The following ADNP variants were observed in gnomAD, a reference collection of about 807,000 sequenced individuals.
ADNP encodes the protein activity dependent neuroprotector homeobox, also known as activity-dependent neuroprotector homeobox protein.
In ADNP, 4 loss-of-function variants were observed where a neutral mutation model predicts 84.9. That is an observed-to-expected ratio of 0.05 (90% confidence interval 0.02 to 0.11). ADNP has a LOEUF of 0.11. Among genes scored for constraint, ADNP ranks in the 10% least tolerant of loss-of-function variants. ADNP has a pLI of 1.00. For missense variants in ADNP, 1,132 were observed against 1,326.0 expected, an observed-to-expected ratio of 0.85 and a Z score of 2.27; for synonymous variants, 554 against 468.1, an observed-to-expected ratio of 1.18 and a Z score of -2.37.
intron 2 of ADNP, among the ~76,000 whole-genome samples, chr20:50,908,199 A>T (rs567511965): frequency 6.7e-6 from 1 of 149,974 alleles, no homozygotes; most frequent in Non-Finnish European, 1.5e-5. Context: ...AGATAAAACA[A>T]GCACACAATT....
chr20:50,926,656 C>T (rs1030912141), intron 2 of ADNP, among the ~76,000 whole-genome samples: 2 of 152,118 alleles, frequency 1.3e-5, no homozygotes, highest in Non-Finnish European at 2.9e-5. Context: ...ACAATCATTT[C>T]CAGCTCTAGA....
Position 50,889,544 on chromosome 20 carries a change from T to C in ADNP, c.*1861A>G, listed in dbSNP as rs1391975220. On this transcript the variant is annotated 3_prime_UTR_variant, in exon 6 of 6. Coordinates refer to ENST00000621696, the MANE Select transcript of ADNP (RefSeq NM_001282531.3). ...TACTGTTGTTGAGAAGCTTACATTT[T>C]AGGGAGAGGCTGGTCAAATCTCTAC... 1 of 233,226 alleles carries C rather than the reference T, an allele frequency of 4.3e-6. No individual in the cohort carries two copies. The highest frequency in any genetic ancestry group is 2.2e-5 in the African/African-American group (1 of 44,732). 14.4% of individuals were successfully genotyped at this position (233,226 alleles called of 1,614,324 possible). A position where few individuals can be genotyped will look rare whatever the true frequency, so the allele number is the denominator to read the frequency against.
chr20:50,900,845 T>C (rs1981903206), intron 5 of ADNP, among the ~76,000 whole-genome samples: 1 of 152,224 alleles, frequency 6.6e-6, no homozygotes, highest in African/African-American at 2.4e-5. Flanking sequence ...AAGACTGATT[T>C]GAAAAGTTGG....
At chr20:50,929,033 T>G (rs1249044613) in intron 1 of ADNP, among the ~76,000 whole-genome samples, 1 of 152,238 alleles carries the variant, frequency 6.6e-6, no homozygotes, top group Non-Finnish European at 1.5e-5. Context: ...ATGGGCTTGA[T>G]GTTTACCAAC....
intron 5 of ADNP, among the ~76,000 whole-genome samples, chr20:50,897,282 C>T (rs1981504704): frequency 1.3e-5 from 2 of 152,184 alleles, no homozygotes; most frequent in African/African-American, 4.8e-5. Context: ...GTCTGCACTG[C>T]TAAATCCTTC....
At position 50,893,881 on chromosome 20, in the gene ADNP, T is replaced by C; in HGVS notation, c.833A>G (p.Lys278Arg). The C allele has an allele frequency of 6.2e-7, 1 of 1,614,216 alleles. No homozygotes were observed. Among genetic ancestry groups the C allele is most frequent in the Non-Finnish European group, 8.5e-7 (1 of 1,180,036 alleles). ...LMLIAPKPQD[K>R]KSMGLPPRIG... ...CCTTGGTGGGAGTCCCATGCTCTTC[T>C]TGTCTTGAGGTTTGGGAGCAATTAG... The change falls in exon 6 of 6, where the codon AAG becomes AGG. Residue 278 changes from lysine (K) to arginine (R), a missense_variant. Lys to Arg is a conservative substitution (Grantham distance 26, BLOSUM62 2). Coordinates refer to ENST00000621696, the MANE Select transcript of ADNP (RefSeq NM_001282531.3). This position sits in a 1 kb window ranked among gnomAD's most constrained non-coding sequence, Gnocchi z 4.4.
At chr20:50,925,515 A>G (rs957888532) in intron 2 of ADNP, among the ~76,000 whole-genome samples, 1 of 152,184 alleles carries the variant, frequency 6.6e-6, no homozygotes, top group African/African-American at 2.4e-5. Context: ...AATAAACAGG[A>G]TCAGACAAAC....
chr20:50,922,742 G>A (rs1984041100), intron 2 of ADNP, among the ~76,000 whole-genome samples: 4 of 151,960 alleles, frequency 2.6e-5, no homozygotes, highest in South Asian at 4.2e-4. Flanking sequence ...ACTAAACCCA[G>A]CTAATTTTTT....
At chr20:50,930,421 G>C (rs929526212) in intron 1 of ADNP, among the ~76,000 whole-genome samples, 1 of 151,632 alleles carries the variant, frequency 6.6e-6, no homozygotes, top group Non-Finnish European at 1.5e-5. Flanking sequence ...TTCAAGGCAT[G>C]GGGGTGTGCG....
At chr20:50,906,416 A>C (rs779318538) in intron 2 of ADNP, among the ~76,000 whole-genome samples, 54 of 152,218 alleles carry the variant, frequency 3.5e-4, no homozygotes, top group Admixed American at 9.8e-4. Flanking sequence ...TCTATGGGCC[A>C]AAATTCAGTT....
At chr20:50,930,140 C>A (rs1367553079) in intron 1 of ADNP, among the ~76,000 whole-genome samples, 1 of 152,078 alleles carries the variant, frequency 6.6e-6, no homozygotes, top group Non-Finnish European at 1.5e-5. Flanking sequence ...AAAAAAAAAT[C>A]TTTTTGCAGC....
At chr20:50,916,599 T>C (rs772991966) in intron 2 of ADNP, among the ~76,000 whole-genome samples, 1 of 152,240 alleles carries the variant, frequency 6.6e-6, no homozygotes. Flanking sequence ...ATTCAGGAGA[T>C]GGTCGAGTGA....
At chr20:50,925,261 T>TACACACAC (rs1292426786) in intron 2 of ADNP, among the ~76,000 whole-genome samples, 5 of 82,642 alleles carry the variant, frequency 6.1e-5, no homozygotes, top group South Asian at 3.0e-4. Context: ...TGTGACTTCC[T>TACACACAC]ATACACACAC....
At chr20:50,926,128 AG>A (rs1984275440) in intron 2 of ADNP, among the ~76,000 whole-genome samples, 1 of 152,198 alleles carries the variant, frequency 6.6e-6, no homozygotes, top group Non-Finnish European at 1.5e-5. Context: ...CACAAAAACT[AG>A]GGGAGGAAAA....
intron 2 of ADNP, among the ~76,000 whole-genome samples, chr20:50,925,432 A>G (rs1984228733): frequency 2.0e-5 from 3 of 152,212 alleles, no homozygotes; most frequent in South Asian, 4.1e-4. Context: ...GTAGGTCATA[A>G]CATAACGCAG....
chr20:50,892,952 G>C lies in ADNP; in HGVS notation c.1762C>G (p.Pro588Ala). The change falls in exon 6 of 6, where the codon CCA becomes GCA. Residue 588 changes from proline to alanine, a missense_variant. Around this residue, in one of 10 missense-constraint regions of ADNP, gnomAD observed 53 missense variants for 39.8 expected, o/e 1.33. Transcript: ENST00000621696. Reference protein sequence around the residue: ...SVAYHAQNNPPVPPKPQPKVQ... With the variant: ...SVAYHAQNNPAVPPKPQPKVQ... ...TTTGGCTGTGGCTTTGGAGGAACTG[G>C]AGGATTATTTTGGGCATGGTAAGCA... 6.2e-7 allele frequency: 1 copy of C among 1,614,214 alleles called. No individual in the cohort carries two copies. The highest frequency in any genetic ancestry group is 8.5e-7 in the Non-Finnish European group (1 of 1,180,044).
intron 5 of ADNP, among the ~76,000 whole-genome samples, chr20:50,895,490 C>G (rs936490826): frequency 8.5e-5 from 13 of 152,284 alleles, no homozygotes; most frequent in Admixed American, 3.9e-4. Flanking sequence ...AATATGAAAG[C>G]CTGGGACATT....
Position 50,891,030 on chromosome 20 carries a change from T to A in ADNP, c.*375A>T. 4.8e-6 allele frequency: 5 copies of A among 1,036,710 alleles called. No individual in the cohort carries two copies. Among genetic ancestry groups the A allele is most frequent in the Non-Finnish European group, 5.8e-6 (5 of 863,890 alleles). The allele number at this position is 1,036,710 out of a possible 1,614,324, so 64.2% of individuals were successfully genotyped here. A position where few individuals can be genotyped will look rare whatever the true frequency, so the allele number is the denominator to read the frequency against. On this transcript the variant is annotated 3_prime_UTR_variant, in exon 6 of 6. Coordinates refer to ENST00000621696, the MANE Select transcript of ADNP (RefSeq NM_001282531.3). ...CTACTATACACATTAGACTGGTAGC[T>A]TGTATGTTGGCCCTACACTACCATG... is the stretch of plus-strand genomic sequence containing the variant.
Position 50,891,366 on chromosome 20 carries a change from C to G in ADNP, c.*39G>C. 6.5e-7 allele frequency: 1 copy of G among 1,540,770 alleles called. No homozygotes were observed. On this transcript the variant is annotated 3_prime_UTR_variant, in exon 6 of 6. Coordinates refer to ENST00000621696, the MANE Select transcript of ADNP (RefSeq NM_001282531.3). ...GCAGTCACACTGGATATCAGAGTTCCAGGCTGCAGCATGTCACCAACGCCA... is the reference window on the plus strand; with the variant it reads ...GCAGTCACACTGGATATCAGAGTTCGAGGCTGCAGCATGTCACCAACGCCA...
Sources: allele counts gnomAD v4.1 joint callset (sites outside exome capture counted in the v4.1 genomes callset), GRCh38; gene constraint gnomAD v4.1.1; regional missense constraint gnomAD v4.1.1; non-coding constraint Gnocchi (gnomAD v3.1); transcripts MANE v1.5; gene names NCBI Gene and HGNC (gene_info 2026-07-23, HGNC 2026-07-21).